FREM1: variants seen among roughly 807,000 people sequenced by gnomAD.
FREM1 encodes the protein FRAS1-related extracellular matrix protein 1.
FREM1 carries 220 observed loss-of-function variants against 210.1 expected under a neutral mutation model. The observed-to-expected ratio is 1.05, with a 90% CI of 0.94 to 1.17. The LOEUF is 1.17. Ranked by LOEUF, FREM1 falls within the 50% of genes most tolerant of loss-of-function variation. The pLI, the probability that FREM1 is intolerant of heterozygous loss-of-function variation, is 0.00. For missense variants in FREM1, 3,454 were observed against 2,675.5 expected, an observed-to-expected ratio of 1.29 and a Z score of -6.42; for synonymous variants, 1,189 against 980.2, an observed-to-expected ratio of 1.21 and a Z score of -3.98.
intron 28 of FREM1, among the ~76,000 whole-genome samples, chr9:14,758,025 G>A (rs1169929402): frequency 2.0e-5 from 3 of 152,138 alleles, no homozygotes; most frequent in African/African-American, 7.2e-5. Flanking sequence ...AGAATCCTAT[G>A]TGGGAAAAGG....
At chr9:14,895,225 A>C (rs943013263) in intron 1 of FREM1, among the ~76,000 whole-genome samples, 1 of 152,248 alleles carries the variant, frequency 6.6e-6, no homozygotes, top group African/African-American at 2.4e-5. Flanking sequence ...AAAAATAATT[A>C]TTCCTGCTGC....
chr9:14,750,966 C>T (rs538181176), intron 29 of FREM1, among the ~76,000 whole-genome samples: 7 of 152,248 alleles, frequency 4.6e-5, no homozygotes, highest in Middle Eastern at 3.4e-3. Flanking sequence ...TTATACAAAA[C>T]AGTTTTGACC....
rs1287422797 is a variant in FREM1 at position 14,803,568 on chromosome 9, C to T, written c.3471+1388G>A. 7.2e-5 allele frequency among the ~76,000 whole-genome samples: 11 copies of T among 151,900 alleles called. No individual in the cohort carries two copies. The South Asian group carries it at 2.3e-3, about 32-fold the overall frequency. ...ATTATTTGTAGAGATGGGGTTTTGC[C>T]ACATTGCCCAGGCTGGTCTTGAACT... On this transcript the variant is annotated intron_variant, in intron 19 of 36. Transcript: ENST00000380880.
Position 14,747,414 on chromosome 9 carries a change from A to T in FREM1, c.5859T>A (p.Val1953=). The stretch of plus-strand genomic sequence containing the variant: ...AACTGTCATCCTCCAGTTTCAAGGA[A>T]ACTATCCCATGATACTTGAGGAAAC... The part of the protein sequence containing the change: ...TDIIYNYHGI[V]SLKLEDDSFP... The change falls in exon 33 of 37, where the codon GTT becomes GTA. Residue 1953 remains valine, a synonymous_variant. Coordinates refer to ENST00000380880, the MANE Select transcript of FREM1 (RefSeq NM_001379081.2). 2 of 1,613,118 alleles carry T rather than the reference A, an allele frequency of 1.2e-6. No individual in the cohort carries two copies. Among genetic ancestry groups the T allele is most frequent in the Non-Finnish European group, 1.7e-6 (2 of 1,179,386 alleles).
intron 10 of FREM1, among the ~76,000 whole-genome samples, chr9:14,832,350 G>A (rs1003072544): frequency 2.6e-5 from 4 of 152,110 alleles, no homozygotes; most frequent in African/African-American, 9.7e-5. Flanking sequence ...GTATTTGACC[G>A]TACACAGAGT....
intron 23 of FREM1, among the ~76,000 whole-genome samples, chr9:14,788,659 G>C (rs1850790164): frequency 6.6e-6 from 1 of 152,126 alleles, no homozygotes; most frequent in East Asian, 1.9e-4. Flanking sequence ...AGCCTGTATA[G>C]CCATATTGTG....
intron 25 of FREM1, among the ~76,000 whole-genome samples, chr9:14,771,012 G>C (rs985589007): frequency 6.6e-6 from 1 of 152,090 alleles, no homozygotes; most frequent in South Asian, 2.1e-4. Context: ...ATTTTCCACT[G>C]TAAACCTTGA....
In FREM1 at chr9:14,851,405, T is replaced by C. The variant is rs761335145; in HGVS notation, c.1031A>G (p.Tyr344Cys). 5 of 1,613,794 alleles carry C rather than the reference T, an allele frequency of 3.1e-6. No individual in the cohort carries two copies. Among genetic ancestry groups the C allele is most frequent in the South Asian group, 1.1e-5 (1 of 91,082 alleles). ...FNITKAPLQG[Y>C]VTHLLDHTRP... ...GGTGTGATCCAACAGGTGAGTCACA[T>C]AGCCCTGGAGCGGGGCTTTAGTAAT... is the stretch of plus-strand genomic sequence containing the variant. Residue 344 changes from tyrosine (Y) to cysteine (C), a missense_variant, in exon 6 of 37, where the codon TAT becomes TGT. Tyr to Cys is a radical substitution (Grantham distance 194). Coordinates refer to ENST00000380880, the MANE Select transcript of FREM1 (RefSeq NM_001379081.2).
chr9:14,775,562 G>C (rs149653004), intron 25 of FREM1, among the ~76,000 whole-genome samples: 367 of 151,952 alleles, frequency 2.4e-3, no homozygotes, highest in Admixed American at 4.1e-3. Context: ...AAAAAAGTTA[G>C]CTGGGCATGG....
At chr9:14,795,499 A>G (rs1413044519) in intron 21 of FREM1, among the ~76,000 whole-genome samples, 1 of 152,228 alleles carries the variant, frequency 6.6e-6, no homozygotes, top group Non-Finnish European at 1.5e-5. Flanking sequence ...AAGAGGTGAT[A>G]TGCCCAAGGA....
intron 1 of FREM1, among the ~76,000 whole-genome samples, chr9:14,870,840 T>A (rs1051143740): frequency 7.3e-6 from 1 of 137,064 alleles, no homozygotes; most frequent in Non-Finnish European, 1.5e-5. Flanking sequence ...GAGTGTGATG[T>A]TCCCCTTCCT....
At chr9:14,744,815 G>A (rs548149680) in intron 35 of FREM1, among the ~76,000 whole-genome samples, 1 of 152,260 alleles carries the variant, frequency 6.6e-6, no homozygotes, top group Non-Finnish European at 1.5e-5. Context: ...ATAAGAAACT[G>A]TAAGACAGTT....
rs781738650 is a variant in FREM1 at position 14,792,789 on chromosome 9, T to C, written c.3935A>G (p.Tyr1312Cys). The change falls in exon 22 of 37, where the codon TAC becomes TGC. Residue 1312 changes from tyrosine to cysteine, a missense_variant. By Grantham distance (194) the Tyr-to-Cys change is radical (BLOSUM62 -2). Coordinates refer to ENST00000380880, the MANE Select transcript of FREM1 (RefSeq NM_001379081.2). ...IDEDSPREKI[Y>C]YVFERLPQNG... ...TTGGGGAAGCCTTTCAAATACATAG[T>C]AAATCTTCTCCCTGGGTGAGTCTTC... The C allele has an allele frequency of 1.2e-6, 2 of 1,608,196 alleles. No individual in the cohort carries two copies. The highest frequency in any genetic ancestry group is 2.2e-5 in the East Asian group (1 of 44,784).
chr9:14,832,316 G>A (rs1363184253), intron 10 of FREM1, among the ~76,000 whole-genome samples: 2 of 152,186 alleles, frequency 1.3e-5, no homozygotes, highest in Non-Finnish European at 1.5e-5. Context: ...TAGGTATATA[G>A]AAGCTTTCCA....
At chr9:14,784,179 T>A in intron 24 of FREM1, 191 bp downstream of exon 24, 1 of 502,950 alleles carries the variant, frequency 2.0e-6, no homozygotes, top group Non-Finnish European at 3.4e-6. Flanking sequence ...GAAAAATGAC[T>A]CATTTTTTTC....
At chr9:14,740,086 G>T (rs532730112) in intron 36 of FREM1, 63 bp downstream of exon 36, 127 of 998,720 alleles carry the variant, frequency 1.3e-4, no homozygotes, top group Non-Finnish European at 1.9e-4. Flanking sequence ...GCAGGGTGGT[G>T]GTGCCTGTTT....
intron 14 of FREM1, among the ~76,000 whole-genome samples, chr9:14,817,724 T>C (rs1022640358): frequency 1.3e-5 from 2 of 152,184 alleles, no homozygotes; most frequent in African/African-American, 2.4e-5. Context: ...CTGAAAGGTA[T>C]TTTACTGAGG....
intron 22 of FREM1, among the ~76,000 whole-genome samples, chr9:14,789,445 C>A (rs1850932670): frequency 6.6e-6 from 1 of 152,184 alleles, no homozygotes; most frequent in South Asian, 2.1e-4. Flanking sequence ...GGTAATCGAG[C>A]TCTTGGAAGG....
chr9:14,814,995 T>C (rs1193935829), intron 15 of FREM1, among the ~76,000 whole-genome samples: 1 of 152,252 alleles, frequency 6.6e-6, no homozygotes, highest in Non-Finnish European at 1.5e-5. Context: ...AAGTTTTGTC[T>C]CTCTGTAAGT....
Sources: allele counts gnomAD v4.1 joint callset (sites outside exome capture counted in the v4.1 genomes callset), GRCh38; gene constraint gnomAD v4.1.1; transcripts MANE v1.5; gene names NCBI Gene and HGNC (gene_info 2026-07-23, HGNC 2026-07-21).